PIK3R3: variants seen among roughly 807,000 people sequenced by gnomAD.
PIK3R3 encodes the protein phosphatidylinositol 3-kinase regulatory subunit gamma.
A neutral mutation model predicts 62.9 loss-of-function variants in PIK3R3; 64 were observed. The observed-to-expected ratio is 1.02, with a 90% CI of 0.83 to 1.25. The LOEUF is 1.25. Ranked by LOEUF, PIK3R3 falls within the 50% of genes most tolerant of loss-of-function variation. The pLI is 0.00. For missense variants in PIK3R3, 614 were observed against 561.6 expected (o/e 1.09, Z -0.94); for synonymous variants, 165 against 189.0 (o/e 0.87, Z 1.04).
the PIK3R3 span, among the ~76,000 whole-genome samples, chr1:46,165,305 C>CTTCT: frequency 7.7e-6 from 1 of 130,038 alleles, no homozygotes; most frequent in East Asian, 2.2e-4. Flanking sequence ...TCTTCTTCTT[C>CTTCT]TTTTTTTTTT....
intron 6 of PIK3R3, among the ~76,000 whole-genome samples, 198 bp downstream of exon 6, chr1:46,061,731 G>C (rs911261178): frequency 6.6e-6 from 1 of 152,186 alleles, no homozygotes; most frequent in African/African-American, 2.4e-5. Flanking sequence ...GGATAAGCAG[G>C]AGTTTATCCG....
chr1:46,116,468 T>G (rs1654197771), intron 1 of PIK3R3, among the ~76,000 whole-genome samples: 1 of 152,076 alleles, frequency 6.6e-6, no homozygotes, highest in African/African-American at 2.4e-5. Context: ...CAGTGAGCTA[T>G]GATCAGGGCA....
chr1:46,064,173 A>C (rs1648778535), intron 5 of PIK3R3, among the ~76,000 whole-genome samples: 1 of 152,076 alleles, frequency 6.6e-6, no homozygotes, highest in Non-Finnish European at 1.5e-5. Context: ...AGATCGTGCC[A>C]CTACACTCCA....
chr1:46,158,049 T>C, the PIK3R3 span, among the ~76,000 whole-genome samples: 1 of 152,166 alleles, frequency 6.6e-6, no homozygotes, highest in Non-Finnish European at 1.5e-5. Context: ...CTTCTCTCCA[T>C]TTCCATTCCT....
At chr1:46,102,573 G>C (rs1482083749) in intron 1 of PIK3R3, among the ~76,000 whole-genome samples, 2 of 151,712 alleles carry the variant, frequency 1.3e-5, no homozygotes, top group African/African-American at 4.8e-5. Context: ...ATAAATGTTT[G>C]GTAGAACTCA....
the PIK3R3 span, among the ~76,000 whole-genome samples, chr1:46,143,675 G>T: frequency 2.0e-5 from 3 of 151,914 alleles, no homozygotes; most frequent in Admixed American, 6.6e-5. Flanking sequence ...TAGAGACAGG[G>T]TCTCACCATG....
intron 1 of PIK3R3, among the ~76,000 whole-genome samples, chr1:46,111,555 A>G (rs1031850952): frequency 2.6e-5 from 4 of 152,122 alleles, no homozygotes; most frequent in Non-Finnish European, 5.9e-5. Context: ...ATAAAACCCC[A>G]TCTCTACTAA....
chr1:46,144,320 G>A, the PIK3R3 span, among the ~76,000 whole-genome samples: 2 of 152,194 alleles, frequency 1.3e-5, no homozygotes, highest in African/African-American at 2.4e-5. Flanking sequence ...AATTTCCTGA[G>A]TATAGAGCTT....
chr1:46,068,183 A>G (rs1649178672), intron 3 of PIK3R3, among the ~76,000 whole-genome samples: 1 of 152,228 alleles, frequency 6.6e-6, no homozygotes, highest in Non-Finnish European at 1.5e-5. Flanking sequence ...ATTTCTATTA[A>G]ATATACATGA....
rs188789308 is a variant in PIK3R3, at chr1:46,076,422, A to G, written c.314+1093T>C. Reference sequence around the variant, plus strand: ...TATGACCAATGCTGCTAAGAGGTCAAGTAAGGTAAGAAGAGAAAAGTGTTT... The same window carrying G: ...TATGACCAATGCTGCTAAGAGGTCAGGTAAGGTAAGAAGAGAAAAGTGTTT... On this transcript the variant is annotated intron_variant, in intron 3 of 9. Coordinates refer to ENST00000262741, the MANE Select transcript of PIK3R3 (RefSeq NM_003629.4). 3.4e-3 allele frequency among the ~76,000 whole-genome samples: 520 copies of G among 152,356 alleles called. 3 individuals carry two copies. Among genetic ancestry groups the G allele is most frequent in the African/African-American group, 0.012 (492 of 41,588 alleles).
At chr1:46,073,554 C>T (rs576961459) in intron 3 of PIK3R3, among the ~76,000 whole-genome samples, 90 of 152,312 alleles carry the variant, frequency 5.9e-4, no homozygotes, top group African/African-American at 2.1e-3. Context: ...AGATCAGACA[C>T]TTCCAGCTGG....
chr1:46,096,187 T>C (rs1046255355), intron 1 of PIK3R3, among the ~76,000 whole-genome samples: 5 of 152,256 alleles, frequency 3.3e-5, no homozygotes, highest in Admixed American at 6.5e-5. Flanking sequence ...ATTTGTTTCT[T>C]AGCATTGTTC....
chr1:46,126,552 A>AT (rs1655110640), intron 1 of PIK3R3, among the ~76,000 whole-genome samples: 1 of 151,788 alleles, frequency 6.6e-6, no homozygotes, highest in Non-Finnish European at 1.5e-5. Flanking sequence ...AAAAAAAAAA[A>AT]CCAAATAAGT....
chr1:46,049,040 C>G (rs1454715713), intron 7 of PIK3R3, among the ~76,000 whole-genome samples: 1 of 152,030 alleles, frequency 6.6e-6, no homozygotes, highest in Non-Finnish European at 1.5e-5. Flanking sequence ...TAACATCCAG[C>G]TCTGATTCTG....
At chr1:46,067,253 C>CATATATATATATATATATATAT (rs71307629) in intron 3 of PIK3R3, among the ~76,000 whole-genome samples, 162 bp from the exon 4 acceptor site, 27 of 130,342 alleles carry the variant, frequency 2.1e-4, no homozygotes, top group Non-Finnish European at 3.5e-4. Context: ...TGTGTGTGAA[C>CATATATATATATATATATATAT]ATATATATAT....
At chr1:46,147,612 A>G in the PIK3R3 span, among the ~76,000 whole-genome samples, 1 of 151,196 alleles carries the variant, frequency 6.6e-6, no homozygotes, top group Non-Finnish European at 1.5e-5. Flanking sequence ...GTAGAGACGG[A>G]GTTTCACTGT....
chr1:46,139,796 A>T, the PIK3R3 span, among the ~76,000 whole-genome samples: 1 of 151,882 alleles, frequency 6.6e-6, no homozygotes, highest in African/African-American at 2.4e-5. Flanking sequence ...TTGACTTCTG[A>T]CTCTGTTCCC....
chr1:46,074,609 G>A (rs991887998), intron 3 of PIK3R3, among the ~76,000 whole-genome samples: 1 of 149,720 alleles, frequency 6.7e-6, no homozygotes, highest in Non-Finnish European at 1.5e-5. Context: ...CTGCCTAGAG[G>A]AAGGCCATTA....
intron 1 of PIK3R3, among the ~76,000 whole-genome samples, chr1:46,109,174 A>C (rs1653496305): frequency 7.7e-6 from 1 of 130,360 alleles, no homozygotes; most frequent in South Asian, 2.5e-4. Flanking sequence ...AAAAAAAAAA[A>C]AAAAAAAAAT....
Sources: gnomAD v4.1 joint callset for allele counts (sites outside exome capture counted in the v4.1 genomes callset) on GRCh38, gnomAD v4.1.1 for gene constraint, MANE v1.5 for transcripts, NCBI Gene and HGNC (gene_info 2026-07-23, HGNC 2026-07-21) for gene names.